Variants in CDC42BPA observed in about 807,000 individuals in gnomAD.
CDC42BPA encodes the protein serine/threonine-protein kinase MRCK alpha.
In CDC42BPA, 80 loss-of-function variants were observed where a neutral mutation model predicts 223.5. The observed-to-expected ratio is 0.36, with a 90% CI of 0.30 to 0.43. The LOEUF (loss-of-function observed/expected upper bound fraction) is 0.43, where lower values mean the gene tolerates loss of function less well. Ranked by LOEUF, CDC42BPA falls within the 20% of genes least tolerant of loss-of-function variation. The probability of loss-of-function intolerance (pLI) is 1.00; values close to 1 mark genes in which losing one functional copy is unlikely to be tolerated. For synonymous variants in CDC42BPA, 694 were observed against 718.6 expected (o/e 0.97, Z 0.55); for missense variants, 1,743 against 2,099.9 (o/e 0.83, Z 3.32).
At chr1:227,214,515 G>C (rs1174246181) in intron 2 of CDC42BPA, among the ~76,000 whole-genome samples, 2 of 152,160 alleles carry the variant, frequency 1.3e-5, no homozygotes, top group African/African-American at 2.4e-5. Context: ...GTTTCACTAA[G>C]ATCTCTGAAG....
At chr1:227,062,122 C>T (rs888373035) in intron 21 of CDC42BPA, among the ~76,000 whole-genome samples, 1 of 152,150 alleles carries the variant, frequency 6.6e-6, no homozygotes, top group Non-Finnish European at 1.5e-5. Context: ...CTTATTCTGG[C>T]CTTTGCCCAT....
intron 1 of CDC42BPA, among the ~76,000 whole-genome samples, chr1:227,285,779 C>A (rs1161966256): frequency 6.6e-6 from 1 of 152,174 alleles, no homozygotes; most frequent in African/African-American, 2.4e-5. Context: ...CATTTCTGAA[C>A]AATTCAAATT....
Position 227,031,368 on chromosome 1 carries a change from G to A in CDC42BPA, c.3705C>T (p.Val1235=). The part of the protein sequence containing the change: ...LKKNKFRDRS[V]YVPKEAYDST... ...TGTCATAAGCCTCTTTGGGAACATAGACTGAGCGGTCTCTGAATTTGTTTT... is the reference window on the plus strand; with the variant it reads ...TGTCATAAGCCTCTTTGGGAACATAAACTGAGCGGTCTCTGAATTTGTTTT... The change falls in exon 28 of 37, where the codon GTC becomes GTT. Residue 1235 remains valine, a synonymous_variant. Transcript: ENST00000366766. The A allele has an allele frequency of 6.2e-7, 1 of 1,614,058 alleles. No homozygotes were observed. The highest frequency in any genetic ancestry group is 8.5e-7 in the Non-Finnish European group (1 of 1,179,984).
chr1:227,073,433 T>A (rs149454103), intron 19 of CDC42BPA, among the ~76,000 whole-genome samples: 8 of 152,260 alleles, frequency 5.3e-5, no homozygotes, highest in African/African-American at 1.9e-4. Context: ...TATATCATTA[T>A]GAAATTTGCC....
At chr1:227,070,621 T>C (rs1024556685) in intron 20 of CDC42BPA, among the ~76,000 whole-genome samples, 2 of 151,906 alleles carry the variant, frequency 1.3e-5, no homozygotes, top group Admixed American at 6.6e-5. Context: ...GGCAGTATGT[T>C]CAGAAATTCA....
intron 1 of CDC42BPA, among the ~76,000 whole-genome samples, chr1:227,314,902 C>CACTGA (rs1204905064): frequency 1.3e-5 from 2 of 151,942 alleles, no homozygotes; most frequent in African/African-American, 4.8e-5. Context: ...ATGTTTAGAA[C>CACTGA]ACTGAACTGA....
intron 7 of CDC42BPA, among the ~76,000 whole-genome samples, chr1:227,146,777 T>C (rs1660784270): frequency 6.6e-6 from 1 of 152,160 alleles, no homozygotes; most frequent in South Asian, 2.1e-4. Context: ...GAGAATGTCA[T>C]AGGGTAGATT....
intron 1 of CDC42BPA, among the ~76,000 whole-genome samples, chr1:227,256,936 T>TACACAC (rs1354956767): frequency 1.7e-4 from 16 of 93,270 alleles, no homozygotes; most frequent in Non-Finnish European, 2.2e-4. Flanking sequence ...CAAAATGTGA[T>TACACAC]ATATATATAC....
intron 35 of CDC42BPA, among the ~76,000 whole-genome samples, chr1:226,995,763 A>G (rs1189678107): frequency 6.6e-6 from 1 of 152,194 alleles, no homozygotes; most frequent in Non-Finnish European, 1.5e-5. Flanking sequence ...GTCAGTACCT[A>G]TTTAAAGCTC....
intron 1 of CDC42BPA, among the ~76,000 whole-genome samples, chr1:227,255,225 T>C (rs1682836370): frequency 6.6e-6 from 1 of 152,218 alleles, no homozygotes; most frequent in Non-Finnish European, 1.5e-5. Flanking sequence ...AGGATCATAA[T>C]ACATGGGTGT....
At chr1:227,138,777 A>G (rs1454516084) in intron 10 of CDC42BPA, among the ~76,000 whole-genome samples, 7 of 152,128 alleles carry the variant, frequency 4.6e-5, no homozygotes, top group Admixed American at 3.9e-4. Flanking sequence ...ACAAAGTTGT[A>G]TTCAAACACA....
intron 2 of CDC42BPA, among the ~76,000 whole-genome samples, chr1:227,236,388 A>AT (rs1679026306): frequency 1.3e-5 from 2 of 152,120 alleles, no homozygotes; most frequent in Admixed American, 6.5e-5. Context: ...CTATGTCTTG[A>AT]TTTTTTATCT....
At chr1:227,089,240 C>G (rs1192322485) in intron 16 of CDC42BPA, among the ~76,000 whole-genome samples, 1 of 152,094 alleles carries the variant, frequency 6.6e-6, no homozygotes, top group African/African-American at 2.4e-5. Context: ...AAGCTGGTTC[C>G]CAATGGAACA....
chr1:227,229,203 G>A (rs568119100), intron 2 of CDC42BPA, among the ~76,000 whole-genome samples: 8 of 152,212 alleles, frequency 5.3e-5, no homozygotes, highest in African/African-American at 1.9e-4. Context: ...AATATGGTAT[G>A]AAGTAGAGTC....
At position 226,993,521 on chromosome 1, in the gene CDC42BPA, G is replaced by A. The variant is rs1468883570; in HGVS notation, c.*747C>T. Reference sequence around the variant, plus strand: ...TGACTAGAGCCTATGACCAGTTTGAGGACAGGGCAATAAAGGGAACTCTGA... The same window carrying A: ...TGACTAGAGCCTATGACCAGTTTGAAGACAGGGCAATAAAGGGAACTCTGA... On this transcript the variant is annotated 3_prime_UTR_variant, in exon 37 of 37. Coordinates refer to ENST00000366766, the MANE Select transcript of CDC42BPA (RefSeq NM_001394014.1). The A allele has an allele frequency of 6.6e-6, 1 of 152,524 alleles. No homozygotes were observed. The highest frequency in any genetic ancestry group is 2.4e-5 in the African/African-American group (1 of 41,426). The allele number at this position is 152,524 out of a possible 1,614,324, so 9.4% of individuals were successfully genotyped here.
chr1:227,286,519 T>C (rs776685318), intron 1 of CDC42BPA, among the ~76,000 whole-genome samples: 3 of 152,214 alleles, frequency 2.0e-5, no homozygotes, highest in Non-Finnish European at 2.9e-5. Context: ...CAGTCTTTAG[T>C]AAGTTCCAAA....
At position 227,180,299 on chromosome 1, in the gene CDC42BPA, T is replaced by A. The variant is rs1272723926; in HGVS notation, c.599+13487A>T. ...TCCAAAAAGCTGTTAAATATTCTAC[T>A]ATTTCCACTAAGAACTTTTCAAAAA... On this transcript the variant is annotated intron_variant, in intron 5 of 36. Coordinates refer to ENST00000366766, the MANE Select transcript of CDC42BPA (RefSeq NM_001394014.1). 3 of 152,312 alleles carry A rather than the reference T, an allele frequency of 2.0e-5. No homozygotes were observed. In the East Asian group the frequency reaches 5.8e-4, roughly 29 times the overall value. The allele number at this position is 152,312 out of a possible 1,614,324, so 9.4% of individuals were successfully genotyped here.
chr1:227,199,713 G>T lies in CDC42BPA; in HGVS notation c.355-61C>A. Reference sequence around the variant, plus strand: ...TATGTAAAACTAGGAAATATACAAAGAATTACTATGTTTATTATATTATTT... The same window carrying T: ...TATGTAAAACTAGGAAATATACAAATAATTACTATGTTTATTATATTATTT... On this transcript the variant is annotated intron_variant, in intron 3 of 36. Transcript: ENST00000366766. 1.1e-5 allele frequency: 9 copies of T among 794,272 alleles called. No individual in the cohort carries two copies. The Admixed American group carries it at 1.8e-4, about 15-fold the overall frequency. 49.2% of individuals were successfully genotyped at this position (794,272 alleles called of 1,614,324 possible). A position where few individuals can be genotyped will look rare whatever the true frequency, so the allele number is the denominator to read the frequency against.
At chr1:227,226,098 T>A (rs1676819071) in intron 2 of CDC42BPA, among the ~76,000 whole-genome samples, 1 of 152,190 alleles carries the variant, frequency 6.6e-6, no homozygotes, top group South Asian at 2.1e-4. Flanking sequence ...TGTAATAAAC[T>A]CAAATGGATT....
Sources: gnomAD v4.1 joint callset for allele counts (sites outside exome capture counted in the v4.1 genomes callset) on GRCh38, gnomAD v4.1.1 for gene constraint, MANE v1.5 for transcripts, NCBI Gene and HGNC (gene_info 2026-07-23, HGNC 2026-07-21) for gene names.